The following PCDH11X variants were observed in gnomAD, a reference collection of about 807,000 sequenced individuals.
PCDH11X encodes the protein protocadherin-11 X-linked.
In PCDH11X, 18 loss-of-function variants were observed where a neutral mutation model predicts 53.3. That is an observed-to-expected ratio of 0.34 (90% CI 0.23 to 0.50). PCDH11X has a LOEUF of 0.50. Ranked by LOEUF, PCDH11X falls within the 20% of genes least tolerant of loss-of-function variation. The pLI, the probability that PCDH11X is intolerant of heterozygous loss-of-function variation, is 0.98. For missense variants in PCDH11X, 570 were observed against 1,032.4 expected, an observed-to-expected ratio of 0.55 and a Z score of 6.14; for synonymous variants, 279 against 393.3, an observed-to-expected ratio of 0.71 and a Z score of 3.44.
At chrX:92,162,105 ATAT>A (rs1443963645) in intron 6 of PCDH11X, among the ~76,000 whole-genome samples, 1 of 89,236 alleles carries the variant, frequency 1.1e-5, no homozygotes, top group Non-Finnish European at 2.2e-5. Flanking sequence ...TTGTTTTGTC[ATAT>A]TATGAGAATT....
chrX:91,830,968 A>T (rs776125847), intron 4 of PCDH11X, among the ~76,000 whole-genome samples: 17 of 111,699 alleles, frequency 1.5e-4, no homozygotes, highest in African/African-American at 5.5e-4. Flanking sequence ...GAAAAAATTT[A>T]AAAAATATCA....
intron 10 of PCDH11X, among the ~76,000 whole-genome samples, chrX:92,548,774 C>T (rs1002713634): frequency 6.4e-5 from 7 of 110,183 alleles, no homozygotes; most frequent in Non-Finnish European, 1.3e-4. Flanking sequence ...GAAAAAGGTA[C>T]ACTTGTTTTT....
chrX:92,093,957 C>A (rs747049706), intron 6 of PCDH11X, among the ~76,000 whole-genome samples: 1 of 111,342 alleles, frequency 9.0e-6, no homozygotes, highest in Non-Finnish European at 1.9e-5. Flanking sequence ...TAGGTTATTA[C>A]AAGATACAAA....
chrX:92,069,764 C>T (rs2063670205), intron 6 of PCDH11X, among the ~76,000 whole-genome samples: 1 of 111,738 alleles, frequency 8.9e-6, no homozygotes, highest in Non-Finnish European at 1.9e-5. Flanking sequence ...TCACTACAAC[C>T]TCCACCTCCT....
At chrX:92,226,564 G>A (rs747192120) in intron 7 of PCDH11X, among the ~76,000 whole-genome samples, 1 of 111,930 alleles carries the variant, frequency 8.9e-6, no homozygotes, top group South Asian at 3.7e-4. Flanking sequence ...AGAAAAGCAG[G>A]AGAAAGTTAC....
intron 6 of PCDH11X, among the ~76,000 whole-genome samples, chrX:92,131,968 T>A (rs1203106094): frequency 3.7e-5 from 4 of 108,754 alleles, no homozygotes; most frequent in African/African-American, 1.0e-4. Flanking sequence ...CTGGCTTTTT[T>A]AGCTTTTAAT....
chrX:91,845,642 G>A (rs931205751), intron 5 of PCDH11X, among the ~76,000 whole-genome samples: 1 of 111,635 alleles, frequency 9.0e-6, no homozygotes, highest in Non-Finnish European at 1.9e-5. Context: ...GCTGGCTTCT[G>A]TATAGGCTAT....
chrX:92,621,581 T>G lies in PCDH11X; in HGVS notation c.*2641T>G. Reference sequence around the variant, plus strand: ...GTTATTCTCCCCTATGCCTTCCTTCTCTTTCTAAGCGTCCACTAGGTCTGG... The same window carrying G: ...GTTATTCTCCCCTATGCCTTCCTTCGCTTTCTAAGCGTCCACTAGGTCTGG... On this transcript the variant is annotated 3_prime_UTR_variant, in exon 11 of 11. Transcript: ENST00000682573. 9.0e-6 allele frequency: 1 copy of G among 110,976 alleles called. No individual in the cohort carries two copies. Among genetic ancestry groups the G allele is most frequent in the African/African-American group, 3.3e-5 (1 of 30,437 alleles). 9.1% of individuals were successfully genotyped at this position (110,976 alleles called of 1,213,427 possible). A position where few individuals can be genotyped will look rare whatever the true frequency, so the allele number is the denominator to read the frequency against.
rs1928547621 is a variant in PCDH11X, at chrX:92,622,053, T to C, written c.*3113T>C. ...TGTGTTTTAACTAATATTGTGTCAG[T>C]GTATTAAAAATTAGCTTTTACATAT... is the stretch of plus-strand genomic sequence containing the variant. On this transcript the variant is annotated 3_prime_UTR_variant, in exon 11 of 11. Coordinates refer to ENST00000682573, the MANE Select transcript of PCDH11X (RefSeq NM_032968.5). 1 of 100,675 alleles carries C rather than the reference T, an allele frequency of 9.9e-6. No individual in the cohort carries two copies. Among genetic ancestry groups the C allele is most frequent in the Non-Finnish European group, 2.0e-5 (1 of 49,701 alleles). 8.3% of individuals were successfully genotyped at this position (100,675 alleles called of 1,213,427 possible). A position where few individuals can be genotyped will look rare whatever the true frequency, so the allele number is the denominator to read the frequency against.
At chrX:92,125,190 TATA>T (rs199900320) in intron 6 of PCDH11X, among the ~76,000 whole-genome samples, 26,632 of 110,722 alleles carry the variant, frequency 0.24, 4,334 homozygotes, top group East Asian at 0.86. Context: ...TGCTTATAAA[TATA>T]ATATCTTCAA....
At chrX:92,153,698 G>A (rs1039133740) in intron 6 of PCDH11X, among the ~76,000 whole-genome samples, 1 of 111,542 alleles carries the variant, frequency 9.0e-6, no homozygotes, top group African/African-American at 3.3e-5. Flanking sequence ...GGCATTCATT[G>A]GGATGGTGAG....
At chrX:92,202,797 G>A (rs1280875045) in intron 7 of PCDH11X, among the ~76,000 whole-genome samples, 2 of 108,949 alleles carry the variant, frequency 1.8e-5, no homozygotes, top group Non-Finnish European at 3.8e-5. Flanking sequence ...CGAGGAGTGT[G>A]GATCACGAGG....
intron 6 of PCDH11X, among the ~76,000 whole-genome samples, chrX:92,123,672 T>C (rs2064811897): frequency 9.6e-6 from 1 of 104,518 alleles, no homozygotes; most frequent in African/African-American, 3.5e-5. Context: ...TCTCCATCTT[T>C]ACTGATATCA....
intron 6 of PCDH11X, among the ~76,000 whole-genome samples, chrX:91,929,868 T>C (rs1424271115): frequency 9.0e-6 from 1 of 111,108 alleles, no homozygotes; most frequent in Non-Finnish European, 1.9e-5. Context: ...TTTGCAAATA[T>C]ATGACATGTT....
At chrX:92,086,561 T>G (rs909087993) in intron 6 of PCDH11X, among the ~76,000 whole-genome samples, 4 of 111,544 alleles carry the variant, frequency 3.6e-5, no homozygotes, top group Admixed American at 2.9e-4. Flanking sequence ...AGAAGTAAAA[T>G]GTATAGCACA....
intron 8 of PCDH11X, among the ~76,000 whole-genome samples, chrX:92,317,343 T>G (rs2069102476): frequency 9.0e-6 from 1 of 110,876 alleles, no homozygotes; most frequent in Admixed American, 9.7e-5. Flanking sequence ...ACCAGTTTCT[T>G]TAAGGAGTCC....
intron 6 of PCDH11X, among the ~76,000 whole-genome samples, chrX:92,183,489 T>C (rs1382061731): frequency 9.0e-6 from 1 of 111,502 alleles, no homozygotes; most frequent in Non-Finnish European, 1.9e-5. Flanking sequence ...ACTCCTGACC[T>C]CAGGTGATCT....
intron 6 of PCDH11X, among the ~76,000 whole-genome samples, chrX:92,047,184 G>A (rs1468725791): frequency 1.2e-5 from 1 of 84,221 alleles, no homozygotes; most frequent in Non-Finnish European, 2.1e-5. Flanking sequence ...ATATATTAAT[G>A]TGAAGTATAA....
chrX:92,253,042 G>GA (rs200550368), intron 7 of PCDH11X, among the ~76,000 whole-genome samples: 5,791 of 105,871 alleles, frequency 0.055, 223 homozygotes, highest in East Asian at 0.23. Context: ...GGTAAGAAAA[G>GA]AAAAAAAAAA....
Sources: allele counts gnomAD v4.1 joint callset (sites outside exome capture counted in the v4.1 genomes callset), GRCh38; gene constraint gnomAD v4.1.1; transcripts MANE v1.5; gene names NCBI Gene and HGNC (gene_info 2026-07-23, HGNC 2026-07-21).